Variants in GSE1 observed in about 807,000 individuals in gnomAD.
The protein encoded by GSE1 is genetic suppressor element 1.
Under a neutral mutation model 112.6 loss-of-function variants are expected in GSE1, and 32 were observed. That is an observed-to-expected ratio of 0.28 (90% confidence interval 0.21 to 0.38). The LOEUF (loss-of-function observed/expected upper bound fraction) is 0.38, where lower values mean the gene tolerates loss of function less well. Ranked by LOEUF, GSE1 falls within the 10% of genes least tolerant of loss-of-function variation. The pLI is 1.00. For synonymous variants in GSE1, 1,115 were observed against 735.6 expected (o/e 1.52, Z -8.35); for missense variants, 2,348 against 1,699.2 (o/e 1.38, Z -6.71).
chr16:85,365,322 C>T (rs752677719), intron 2 of GSE1, among the ~76,000 whole-genome samples: 15 of 152,252 alleles, frequency 9.9e-5, no homozygotes, highest in African/African-American at 1.7e-4. Flanking sequence ...TGGCCTCAGT[C>T]TGGTCTATGC....
At chr16:85,404,402 T>C (rs868533208) in intron 2 of GSE1, among the ~76,000 whole-genome samples, 5 of 2,230 alleles carry the variant, frequency 2.2e-3, no homozygotes, top group East Asian at 0.053. Flanking sequence ...TCAGGCCCCC[T>C]GGATAATCCT....
At chr16:85,210,158 G>A (rs930659489) in intron 1 of GSE1, among the ~76,000 whole-genome samples, 1 of 152,198 alleles carries the variant, frequency 6.6e-6, no homozygotes, top group Non-Finnish European at 1.5e-5. Context: ...CCATTTGTCA[G>A]CAGGTGTCAA....
chr16:85,478,275 G>T (rs12924742), intron 2 of GSE1, among the ~76,000 whole-genome samples: 77,223 of 151,788 alleles, frequency 0.51, 20,138 homozygotes, highest in Non-Finnish European at 0.53. Flanking sequence ...GCCTGTCATC[G>T]CAGCACCTTG....
At chr16:85,225,751 G>T (rs368011972) in intron 1 of GSE1, among the ~76,000 whole-genome samples, 1 of 152,200 alleles carries the variant, frequency 6.6e-6, no homozygotes, top group Non-Finnish European at 1.5e-5. Context: ...TGCAGTATTC[G>T]TAATGTATTG....
In GSE1 at chr16:85,399,811, CT is replaced by C. The variant is rs548203239; in HGVS notation, c.2464+42169del. On this transcript the variant is annotated intron_variant, in intron 2 of 2. Transcript: ENST00000637419. ...CTGTGCTTCGCTCCTAGAAGAGCCC[CT>C]GGCAGGTGGTGAGTGTTCCGTGAGT... Among the ~76,000 whole-genome samples the C allele has an allele frequency of 1.2e-3, 188 of 152,344 alleles. 1 individual carries two copies. The highest frequency in any genetic ancestry group is 3.6e-3 in the African/African-American group (151 of 41,588).
At chr16:85,619,460 G>A (rs2048590321) in intron 1 of GSE1, among the ~76,000 whole-genome samples, 1 of 152,180 alleles carries the variant, frequency 6.6e-6, no homozygotes, top group African/African-American at 2.4e-5. Flanking sequence ...CCACTTCTAG[G>A]CTAACCCTGA....
intron 2 of GSE1, among the ~76,000 whole-genome samples, chr16:85,448,831 C>T (rs1450547794): frequency 6.6e-6 from 1 of 152,176 alleles, no homozygotes; most frequent in Non-Finnish European, 1.5e-5. Context: ...CTTCCCGAGC[C>T]GAGCCTCTCC....
At chr16:85,181,707 G>C (rs549885393) in intron 1 of GSE1, among the ~76,000 whole-genome samples, 1 of 152,216 alleles carries the variant, frequency 6.6e-6, no homozygotes, top group Non-Finnish European at 1.5e-5. Flanking sequence ...AAGGGCGGCA[G>C]CTGAAAAGTG....
At chr16:85,257,215 T>A (rs1313436927) in intron 1 of GSE1, among the ~76,000 whole-genome samples, 9 of 152,194 alleles carry the variant, frequency 5.9e-5, no homozygotes, top group Non-Finnish European at 1.3e-4. Context: ...TTCAAGCGAT[T>A]CGCCTGCTTC....
At chr16:85,369,759 G>A (rs894691284) in intron 2 of GSE1, among the ~76,000 whole-genome samples, 1 of 152,216 alleles carries the variant, frequency 6.6e-6, no homozygotes, top group Non-Finnish European at 1.5e-5. Flanking sequence ...CCCTGGCTGG[G>A]CTGAGCTGGC....
At chr16:85,576,008 G>T (rs1219125008) in intron 1 of GSE1, among the ~76,000 whole-genome samples, 2 of 151,864 alleles carry the variant, frequency 1.3e-5, no homozygotes. Context: ...TGACGGGGGA[G>T]TATTACCTGG....
intron 1 of GSE1, among the ~76,000 whole-genome samples, chr16:85,343,944 G>A (rs1424351535): frequency 1.3e-5 from 2 of 152,094 alleles, no homozygotes; most frequent in Non-Finnish European, 2.9e-5. Flanking sequence ...AAATGCAACC[G>A]GGCACAGTCC....
At chr16:85,626,610 G>C (rs999051501) in intron 1 of GSE1, among the ~76,000 whole-genome samples, 1 of 152,212 alleles carries the variant, frequency 6.6e-6, no homozygotes, top group Non-Finnish European at 1.5e-5. Flanking sequence ...ATTACCCCAC[G>C]GGGGGCTGTC....
At chr16:85,487,971 CCTCTGGG>C (rs2050895220) in intron 2 of GSE1, among the ~76,000 whole-genome samples, 1 of 152,204 alleles carries the variant, frequency 6.6e-6, no homozygotes, top group African/African-American at 2.4e-5. Context: ...ACTAGTCACT[CCTCTGGG>C]CTCTGCAGAG....
intron 2 of GSE1, among the ~76,000 whole-genome samples, chr16:85,459,072 T>G (rs996293811): frequency 1.3e-4 from 20 of 152,200 alleles, no homozygotes; most frequent in African/African-American, 4.6e-4. Context: ...CGTCGGCTGC[T>G]GCCTGTGGTG....
intron 2 of GSE1, among the ~76,000 whole-genome samples, chr16:85,471,059 C>T (rs1351628698): frequency 6.6e-6 from 1 of 152,196 alleles, no homozygotes; most frequent in East Asian, 1.9e-4. Context: ...GCCAGGCATT[C>T]TCTCCATGGA....
chr16:85,310,546 C>T (rs1305209440), intron 1 of GSE1, among the ~76,000 whole-genome samples: 1 of 149,794 alleles, frequency 6.7e-6, no homozygotes, highest in African/African-American at 2.5e-5. Flanking sequence ...CCCCACCTCT[C>T]AGATCCTGTC....
intron 1 of GSE1, among the ~76,000 whole-genome samples, chr16:85,290,441 G>A (rs1360737114): frequency 6.6e-6 from 1 of 152,136 alleles, no homozygotes; most frequent in Non-Finnish European, 1.5e-5. Flanking sequence ...CTGCAACCTC[G>A]ATAGACACTA....
At chr16:85,553,868 C>G (rs1281689823), upstream of GSE1, among the ~76,000 whole-genome samples, 1 of 152,204 alleles carries the variant, frequency 6.6e-6, no homozygotes, top group Non-Finnish European at 1.5e-5. Context: ...TTTGAAGCCG[C>G]TGCATTTAGC....
Sources: gnomAD v4.1 joint callset for allele counts (sites outside exome capture counted in the v4.1 genomes callset) on GRCh38, gnomAD v4.1.1 for gene constraint, MANE v1.5 for transcripts, NCBI Gene and HGNC (gene_info 2026-07-23, HGNC 2026-07-21) for gene names.